The following PAPPA2 variants were observed in gnomAD, a reference collection of about 807,000 sequenced individuals.
The protein encoded by PAPPA2 is pappalysin 2.
PAPPA2 carries 86 observed loss-of-function variants against 176.4 expected under a neutral mutation model. The ratio of observed to expected loss-of-function variants is 0.49; its 90% CI spans 0.41 to 0.58. PAPPA2 has a LOEUF of 0.58. Ranked by LOEUF, PAPPA2 falls within the 20% of genes least tolerant of loss-of-function variation. PAPPA2 has a pLI of 0.00. For synonymous variants in PAPPA2, 809 were observed against 852.2 expected, an observed-to-expected ratio of 0.95 and a Z score of 0.88; for missense variants, 2,073 against 2,256.9, an observed-to-expected ratio of 0.92 and a Z score of 1.65.
chr1:176,709,944 G>A, intron 10 of PAPPA2, 39 bp from the exon 11 acceptor site: 1 of 1,537,732 alleles, frequency 6.5e-7, no homozygotes, highest in South Asian at 1.2e-5. Flanking sequence ...TGACATTTAT[G>A]AAAACACTTT....
chr1:176,551,807 G>T (rs530490120), intron 1 of PAPPA2, among the ~76,000 whole-genome samples: 4 of 152,120 alleles, frequency 2.6e-5, no homozygotes, highest in Admixed American at 1.3e-4. Context: ...GGGCTGTGAA[G>T]AATGGGTTTC....
chr1:176,672,087 TAAAAA>T (rs60355465), intron 4 of PAPPA2, among the ~76,000 whole-genome samples: 1 of 150,398 alleles, frequency 6.6e-6, no homozygotes, highest in African/African-American at 2.4e-5. Context: ...AAATAAAAAA[TAAAAA>T]AAAGAAAGAC....
At chr1:176,726,350 C>G (rs1455312529) in intron 12 of PAPPA2, among the ~76,000 whole-genome samples, 1 of 152,188 alleles carries the variant, frequency 6.6e-6, no homozygotes, top group African/African-American at 2.4e-5. Flanking sequence ...ATCTCTTCAT[C>G]CTGTGAACTG....
chr1:176,775,199 AT>A lies in PAPPA2; in HGVS notation c.4715+4023del, dbSNP rs1389516708. Among the ~76,000 whole-genome samples, 3 of 152,230 alleles carry A rather than the reference AT, an allele frequency of 2.0e-5. No homozygotes were observed. In the East Asian group the frequency reaches 5.8e-4, roughly 29 times the overall value. On this transcript the variant is annotated intron_variant, in intron 17 of 22. Coordinates refer to ENST00000367662, the MANE Select transcript of PAPPA2 (RefSeq NM_020318.3). ...CTATATTCACGAATAGACCATGAATATTTTGCTTAGCATCGTGTGCCCAGTG... is the reference window on the plus strand; with the variant it reads ...CTATATTCACGAATAGACCATGAATATTTGCTTAGCATCGTGTGCCCAGTG...
intron 3 of PAPPA2, among the ~76,000 whole-genome samples, chr1:176,599,890 G>T (rs894488515): frequency 7.9e-5 from 12 of 152,028 alleles, no homozygotes; most frequent in Non-Finnish European, 1.8e-4. Flanking sequence ...AAAGAAATTT[G>T]AAGGCAGAAA....
intron 2 of PAPPA2, among the ~76,000 whole-genome samples, chr1:176,569,798 A>G (rs965999082): frequency 2.6e-5 from 4 of 152,222 alleles, no homozygotes; most frequent in African/African-American, 7.2e-5. Flanking sequence ...AACTAATTCT[A>G]TTTGGAAGTA....
chr1:176,814,601 A>T (rs1426356318), intron 21 of PAPPA2, among the ~76,000 whole-genome samples: 8 of 152,130 alleles, frequency 5.3e-5, no homozygotes, highest in African/African-American at 1.9e-4. Context: ...TTTTTAGTGT[A>T]CAGGAATGCT....
At chr1:176,733,938 C>T (rs1185610156) in intron 12 of PAPPA2, among the ~76,000 whole-genome samples, 1 of 151,972 alleles carries the variant, frequency 6.6e-6, no homozygotes. Context: ...ATACCACTCA[C>T]CCCAACCAAA....
intron 1 of PAPPA2, among the ~76,000 whole-genome samples, chr1:176,483,084 A>G (rs10913182): frequency 0.081 from 12,390 of 152,224 alleles, 626 homozygotes; most frequent in South Asian, 0.16. Flanking sequence ...CTCCTCGTAC[A>G]TGATCATCAG....
chr1:176,562,305 A>G (rs1479825795), intron 2 of PAPPA2, among the ~76,000 whole-genome samples: 2 of 152,152 alleles, frequency 1.3e-5, no homozygotes, highest in East Asian at 3.9e-4. Flanking sequence ...TTTGTACTCA[A>G]GGTGGAGGGT....
chr1:176,792,711 T>TA (rs923222125), intron 19 of PAPPA2, among the ~76,000 whole-genome samples: 56 of 148,746 alleles, frequency 3.8e-4, no homozygotes, highest in East Asian at 3.3e-3. Flanking sequence ...TAAAGTATAA[T>TA]AAAAAAAAAG....
intron 2 of PAPPA2, among the ~76,000 whole-genome samples, chr1:176,585,584 T>G (rs1653256625): frequency 1.3e-5 from 2 of 152,166 alleles, no homozygotes; most frequent in African/African-American, 4.8e-5. Context: ...CTTCACCTTT[T>G]CTCTTTTCTT....
intron 3 of PAPPA2, among the ~76,000 whole-genome samples, chr1:176,624,067 C>T (rs1362064934): frequency 6.6e-6 from 1 of 151,972 alleles, no homozygotes; most frequent in East Asian, 1.9e-4. Context: ...AGCTGCATTT[C>T]CTACAGGGAA....
At chr1:176,705,041 T>A (rs1660819562) in intron 9 of PAPPA2, among the ~76,000 whole-genome samples, 1 of 152,202 alleles carries the variant, frequency 6.6e-6, no homozygotes, top group South Asian at 2.1e-4. Context: ...AAATATAAAG[T>A]TGCCGACCTC....
At chr1:176,585,818 G>A (rs183152504) in intron 2 of PAPPA2, among the ~76,000 whole-genome samples, 15 of 151,956 alleles carry the variant, frequency 9.9e-5, no homozygotes, top group South Asian at 2.1e-4. Context: ...ATTATCCAGC[G>A]TCAAGATATC....
intron 1 of PAPPA2, among the ~76,000 whole-genome samples, chr1:176,522,425 A>AT (rs1649265316): frequency 6.6e-6 from 1 of 152,004 alleles, no homozygotes; most frequent in South Asian, 2.1e-4. Context: ...AACTCCTTTC[A>AT]TTTTCTCATA....
At position 176,526,225 on chromosome 1, in the gene PAPPA2, A is replaced by C. The variant is rs560056399; in HGVS notation, c.-916-29182A>C. 7.9e-5 allele frequency among the ~76,000 whole-genome samples: 12 copies of C among 152,274 alleles called. No homozygotes were observed. The East Asian group carries it at 2.3e-3, about 29-fold the overall frequency. On this transcript the variant is annotated intron_variant, in intron 1 of 22. Coordinates refer to ENST00000367662, the MANE Select transcript of PAPPA2 (RefSeq NM_020318.3). ...ATCTCCAGGAGATTGCTGCTATGTAAATGCTGGGGCCATTGCCGGCTGTGG... is the reference window on the plus strand; with the variant it reads ...ATCTCCAGGAGATTGCTGCTATGTACATGCTGGGGCCATTGCCGGCTGTGG...
intron 14 of PAPPA2, among the ~76,000 whole-genome samples, chr1:176,740,619 T>C (rs1292486917): frequency 6.6e-6 from 1 of 152,186 alleles, no homozygotes; most frequent in Non-Finnish European, 1.5e-5. Context: ...GGGTGTGTCA[T>C]ATAATCATTT....
intron 21 of PAPPA2, among the ~76,000 whole-genome samples, chr1:176,800,474 G>T (rs1023821589): frequency 2.0e-5 from 3 of 152,168 alleles, no homozygotes; most frequent in Non-Finnish European, 2.9e-5. Context: ...CCACTGACAG[G>T]TTTATTTGGC....
Sources: gnomAD v4.1 joint callset for allele counts (sites outside exome capture counted in the v4.1 genomes callset) on GRCh38, gnomAD v4.1.1 for gene constraint, MANE v1.5 for transcripts, NCBI Gene and HGNC (gene_info 2026-07-23, HGNC 2026-07-21) for gene names.